ASCC2: variants seen among roughly 807,000 people sequenced by gnomAD.
The protein encoded by ASCC2 is ASC-1 complex subunit P100.
ASCC2 carries 42 observed loss-of-function variants against 93.5 expected under a neutral mutation model. The observed-to-expected ratio is 0.45, with a 90% CI of 0.35 to 0.58. The LOEUF (loss-of-function observed/expected upper bound fraction) is 0.58. Ranked by LOEUF, ASCC2 falls within the 20% of genes least tolerant of loss-of-function variation. The pLI is 0.00. For missense variants in ASCC2, 859 were observed against 977.6 expected, an observed-to-expected ratio of 0.88 and a Z score of 1.62; for synonymous variants, 364 against 384.2, an observed-to-expected ratio of 0.95 and a Z score of 0.62.
In ASCC2 at chr22:29,814,584, C is replaced by T. The variant is rs147357769; in HGVS notation, c.720+73G>A. ...TGGGTCCTCTACTGGGGCAATCTTC[C>T]CAGCCTCTGGGTAGCTAGGCCCTGG... On this transcript the variant is annotated intron_variant, in intron 7 of 19. Coordinates refer to ENST00000307790, the MANE Select transcript of ASCC2 (RefSeq NM_032204.5). The T allele has an allele frequency of 6.9e-5, 92 of 1,325,674 alleles. No individual in the cohort carries two copies. The East Asian group carries it at 2.2e-3, about 31-fold the overall frequency. 82.1% of individuals were successfully genotyped at this position (1,325,674 alleles called of 1,614,324 possible). A position where few individuals can be genotyped will look rare whatever the true frequency, so the allele number is the denominator to read the frequency against.
At chr22:29,822,887 T>C (rs1000220210) in intron 4 of ASCC2, among the ~76,000 whole-genome samples, 1 of 151,688 alleles carries the variant, frequency 6.6e-6, no homozygotes, top group Non-Finnish European at 1.5e-5. Flanking sequence ...GCCTGGCTAA[T>C]TTTTGTATTT....
Position 29,789,635 on chromosome 22 carries a change from C to T in ASCC2, c.2103-451G>A, listed in dbSNP as rs372555286. On this transcript the variant is annotated intron_variant, in intron 19 of 19. Transcript: ENST00000307790. ...GGGCCCTTTCAGACCATCTTGACCA[C>T]TGGGATTTGCCAGAGCTCCGCACTC... Among the ~76,000 whole-genome samples the T allele has an allele frequency of 5.8e-3, 879 of 152,338 alleles. 3 individuals are homozygous for T. Among genetic ancestry groups the T allele is most frequent in the African/African-American group, 0.02 (830 of 41,580 alleles).
intron 19 of ASCC2, 36 bp downstream of exon 19, chr22:29,790,433 A>T (rs2068873185): frequency 1.2e-6 from 2 of 1,611,418 alleles, no homozygotes; most frequent in Admixed American, 3.3e-5. Flanking sequence ...AGATGGTGGG[A>T]GGGGTCCCCC....
intron 1 of ASCC2, among the ~76,000 whole-genome samples, chr22:29,835,616 G>GT (rs2063682540): frequency 6.6e-6 from 1 of 152,056 alleles, no homozygotes; most frequent in Non-Finnish European, 1.5e-5. Context: ...TGCCTCTTCT[G>GT]TAATACCAGA....
intron 5 of ASCC2, among the ~76,000 whole-genome samples, chr22:29,820,838 G>A (rs181331894): frequency 5.3e-5 from 8 of 151,286 alleles, no homozygotes; most frequent in Admixed American, 2.6e-4. Context: ...CCTGGGAGGC[G>A]GAGGTTGCGG....
chr22:29,812,633 C>G (rs2060400776), intron 8 of ASCC2, among the ~76,000 whole-genome samples: 1 of 152,192 alleles, frequency 6.6e-6, no homozygotes, highest in South Asian at 2.1e-4. Context: ...TCCTGCTGTT[C>G]TGTGTGTCCC....
chr22:29,814,113 T>C (rs924262667), intron 7 of ASCC2, among the ~76,000 whole-genome samples: 1 of 152,196 alleles, frequency 6.6e-6, no homozygotes, highest in Non-Finnish European at 1.5e-5. Context: ...TGAAATGAGA[T>C]CACCATCTCC....
At chr22:29,789,900 A>T (rs131301) in intron 19 of ASCC2, among the ~76,000 whole-genome samples, 63,968 of 152,010 alleles carry the variant, frequency 0.42, 13,958 homozygotes, top group East Asian at 0.59. Flanking sequence ...CACTGGGAAG[A>T]TGCGGGGCCT....
intron 8 of ASCC2, among the ~76,000 whole-genome samples, chr22:29,812,886 G>A (rs1172058609): frequency 7.0e-6 from 1 of 143,768 alleles, no homozygotes; most frequent in Admixed American, 7.0e-5. Context: ...TTGGTTGTGC[G>A]TTTTTTTTTT....
chr22:29,828,872 C>A (rs1326296648), intron 2 of ASCC2, among the ~76,000 whole-genome samples: 1 of 152,178 alleles, frequency 6.6e-6, no homozygotes, highest in Non-Finnish European at 1.5e-5. Context: ...GCATATTTTA[C>A]GTTTTAATTT....
Position 29,825,401 on chromosome 22 carries a change from C to T in ASCC2, c.241-144G>A. The T allele has an allele frequency of 8.3e-7, 1 of 1,203,804 alleles. No individual in the cohort carries two copies. The highest frequency in any genetic ancestry group is 1.2e-6 in the Non-Finnish European group (1 of 862,624). 74.6% of individuals were successfully genotyped at this position (1,203,804 alleles called of 1,614,324 possible). On this transcript the variant is annotated intron_variant, in intron 3 of 19. Coordinates refer to ENST00000307790, the MANE Select transcript of ASCC2 (RefSeq NM_032204.5). This position sits in a 1 kb window ranked among gnomAD's most constrained non-coding sequence, Gnocchi z 4.9. The stretch of plus-strand genomic sequence containing the variant: ...AAGGGACCAAGGAGGTATGAATGAG[C>T]CAAGGGCTAAACACAAGATTCTAAA...
intron 6 of ASCC2, among the ~76,000 whole-genome samples, chr22:29,815,776 A>G (rs2060777980): frequency 6.6e-6 from 1 of 152,264 alleles, no homozygotes; most frequent in African/African-American, 2.4e-5. Context: ...CTCTGTCTGT[A>G]TGAGCGCCAG....
rs1490036379 is a variant in ASCC2, at chr22:29,806,282, C to T, written c.1094G>A (p.Arg365Gln). 4 of 1,614,088 alleles carry T rather than the reference C, an allele frequency of 2.5e-6. No homozygotes were observed. The highest frequency in any genetic ancestry group is 2.2e-5 in the South Asian group (2 of 91,070). The stretch of plus-strand genomic sequence containing the variant: ...CACGGGGAAGAGTGCATCATAGTCC[C>T]GGAGGAACCTGCAGGCAGATGAGAG... Reference protein sequence around the residue: ...SSLLQEKRFLRDYDALFPVAE... With the variant: ...SSLLQEKRFLQDYDALFPVAE... Residue 365 changes from arginine to glutamine, a missense_variant, in exon 12 of 20, where the codon CGG becomes CAG. By Grantham distance (43) the Arg-to-Gln change is conservative. Coordinates refer to ENST00000307790, the MANE Select transcript of ASCC2 (RefSeq NM_032204.5).
intron 8 of ASCC2, among the ~76,000 whole-genome samples, chr22:29,811,370 G>A (rs1472134361): frequency 6.6e-6 from 1 of 152,186 alleles, no homozygotes; most frequent in Non-Finnish European, 1.5e-5. Context: ...TAGAAAGGGG[G>A]ACTTTCCAGT....
At chr22:29,814,536 G>A (rs2060618538) in intron 7 of ASCC2, 121 bp downstream of exon 7, 1 of 688,076 alleles carries the variant, frequency 1.5e-6, no homozygotes, top group Non-Finnish European at 2.4e-6. Context: ...GGAGGAAGGG[G>A]CCCTGGGCAG....
At chr22:29,809,641 T>C (rs1325481986) in intron 8 of ASCC2, among the ~76,000 whole-genome samples, 3 of 151,872 alleles carry the variant, frequency 2.0e-5, no homozygotes, top group African/African-American at 7.3e-5. Context: ...TAGCTAGGCA[T>C]GGGGGCGGGC....
chr22:29,832,566 C>A, intron 1 of ASCC2: 2 of 379,528 alleles, frequency 5.3e-6, no homozygotes, highest in Non-Finnish European at 4.7e-6. Context: ...CCCCAGATGA[C>A]TTCTGATATA....
chr22:29,823,559 T>G (rs918945891), intron 4 of ASCC2, among the ~76,000 whole-genome samples: 3 of 152,134 alleles, frequency 2.0e-5, no homozygotes, highest in African/African-American at 7.2e-5. Flanking sequence ...GAAAATTTTG[T>G]ATTTGTGGCC....
At chr22:29,809,158 C>T (rs2060017273) in intron 8 of ASCC2, among the ~76,000 whole-genome samples, 1 of 150,392 alleles carries the variant, frequency 6.6e-6, no homozygotes, top group Admixed American at 6.6e-5. Flanking sequence ...ATGAAAATCT[C>T]AACACAATAT....
Sources: allele counts gnomAD v4.1 joint callset (sites outside exome capture counted in the v4.1 genomes callset), GRCh38; gene constraint gnomAD v4.1.1; non-coding constraint Gnocchi (gnomAD v3.1); transcripts MANE v1.5; gene names NCBI Gene and HGNC (gene_info 2026-07-23, HGNC 2026-07-21).